The following UGGT1 variants were observed in gnomAD, a reference collection of about 807,000 sequenced individuals.
The protein encoded by UGGT1 is UDP-glucose:glycoprotein glucosyltransferase 1.
UGGT1 carries 107 observed loss-of-function variants against 203.9 expected under a neutral mutation model. That is an observed-to-expected ratio of 0.52 (90% CI 0.45 to 0.62). The LOEUF (loss-of-function observed/expected upper bound fraction) is 0.62. UGGT1 is among the 20% of genes least tolerant of loss of function. The probability of loss-of-function intolerance (pLI) is 0.00; values close to 1 mark genes in which losing one functional copy is unlikely to be tolerated. For missense variants in UGGT1, 1,673 were observed against 1,867.2 expected (o/e 0.90, Z 1.92); for synonymous variants, 628 against 653.5 (o/e 0.96, Z 0.59).
At chr2:128,098,003 G>A (rs1360252847) in intron 2 of UGGT1, among the ~76,000 whole-genome samples, 5 of 151,960 alleles carry the variant, frequency 3.3e-5, no homozygotes, top group Non-Finnish European at 5.9e-5. Flanking sequence ...CTGGGATCAC[G>A]GAAGTGCCCC....
At chr2:128,182,954 T>C (rs1216833440) in intron 37 of UGGT1, among the ~76,000 whole-genome samples, 3 of 147,912 alleles carry the variant, frequency 2.0e-5, no homozygotes, top group Non-Finnish European at 3.0e-5. Flanking sequence ...ATCTTCTCAG[T>C]GAATAGAGAG....
intron 18 of UGGT1, 137 bp from the exon 19 acceptor site, chr2:128,152,647 A>G (rs567247726): frequency 3.6e-4 from 435 of 1,208,876 alleles, no homozygotes; most frequent in Middle Eastern, 1.5e-3. Flanking sequence ...GACCAATAAC[A>G]TAGTAACTTC....
intron 3 of UGGT1, among the ~76,000 whole-genome samples, chr2:128,106,343 A>C (rs778617378): frequency 2.2e-4 from 33 of 152,160 alleles, no homozygotes; most frequent in Non-Finnish European, 4.3e-4. Flanking sequence ...AGGAGTATGA[A>C]TTCTATGAAC....
chr2:128,189,581 C>T, intron 40 of UGGT1, 136 bp from the exon 41 acceptor site: 3 of 911,608 alleles, frequency 3.3e-6, no homozygotes, highest in Non-Finnish European at 5.0e-6. Flanking sequence ...AGCACAAATC[C>T]CAAAGATTTA....
At chr2:128,148,780 C>T (rs1261017617) in intron 18 of UGGT1, among the ~76,000 whole-genome samples, 1 of 151,886 alleles carries the variant, frequency 6.6e-6, no homozygotes, top group Non-Finnish European at 1.5e-5. Flanking sequence ...GTTTTTTGAC[C>T]AGCTTTGTGT....
chr2:128,120,308 C>G (rs1002900227), intron 8 of UGGT1, 48 bp from the exon 9 acceptor site: 1 of 1,565,744 alleles, frequency 6.4e-7, no homozygotes, highest in East Asian at 2.3e-5. Context: ...TCTTATGCTC[C>G]GGGAAAGAAA....
chr2:128,091,430 C>A lies in UGGT1; in HGVS notation c.58+15C>A. The A allele has an allele frequency of 1.3e-6, 2 of 1,575,188 alleles. No homozygotes were observed. The highest frequency in any genetic ancestry group is 2.7e-5 in the African/African-American group (2 of 74,188). On this transcript the variant is annotated intron_variant, in intron 1 of 40. Transcript: ENST00000259253. ...GCCGGTGACAGGTACCCAGGGGTGG[C>A]GTGAGGAGGCCTCGTGGACAAAGAG...
chr2:128,129,464 T>C (rs1279064720), intron 13 of UGGT1, among the ~76,000 whole-genome samples: 2 of 151,150 alleles, frequency 1.3e-5, no homozygotes, highest in Non-Finnish European at 2.9e-5. Context: ...AGTGGCGCGA[T>C]CTTGGCTTAC....
chr2:128,151,269 G>A (rs1025199101), intron 18 of UGGT1: 19 of 591,092 alleles, frequency 3.2e-5, no homozygotes, highest in African/African-American at 1.8e-4. Context: ...TACCTTCCTC[G>A]TCCATCTCCT....
chr2:128,183,909 GGTGT>G (rs558911313), intron 38 of UGGT1, 120 bp downstream of exon 38: 268 of 339,612 alleles, frequency 7.9e-4, no homozygotes, highest in Middle Eastern at 2.4e-3. Context: ...GTTTTTTCAT[GGTGT>G]GTGTGTGTGT....
chr2:128,158,161 C>A (rs563075801), intron 22 of UGGT1, among the ~76,000 whole-genome samples: 1 of 152,232 alleles, frequency 6.6e-6, no homozygotes, highest in South Asian at 2.1e-4. Flanking sequence ...AACACAAATG[C>A]GTAAATCTTC....
intron 24 of UGGT1, 148 bp from the exon 25 acceptor site, chr2:128,160,990 A>T: frequency 2.3e-6 from 2 of 880,770 alleles, no homozygotes; most frequent in Non-Finnish European, 3.4e-6. Flanking sequence ...GTATTATTTC[A>T]CTGATTTTAT....
At chr2:128,097,335 A>G in intron 1 of UGGT1, 94 bp from the exon 2 acceptor site, 2 of 1,420,258 alleles carry the variant, frequency 1.4e-6, no homozygotes, top group Non-Finnish European at 1.9e-6. Flanking sequence ...AGATTGCACC[A>G]CTGCACTCCA....
intron 10 of UGGT1, among the ~76,000 whole-genome samples, chr2:128,122,558 T>G (rs1688432724): frequency 6.6e-6 from 1 of 151,988 alleles, no homozygotes; most frequent in African/African-American, 2.4e-5. Context: ...AGATTTTGTT[T>G]GTACGTTTTC....
chr2:128,159,369 G>T, intron 22 of UGGT1, 145 bp from the exon 23 acceptor site: 1 of 726,952 alleles, frequency 1.4e-6, no homozygotes, highest in Non-Finnish European at 2.3e-6. Context: ...AAAGTGCTGG[G>T]ATTACAGGCA....
At chr2:128,106,295 A>AT (rs546125877) in intron 3 of UGGT1, among the ~76,000 whole-genome samples, 2 of 152,078 alleles carry the variant, frequency 1.3e-5, no homozygotes, top group Non-Finnish European at 2.9e-5. Context: ...TTAAAATAAC[A>AT]TTTTTTCAGT....
intron 15 of UGGT1, among the ~76,000 whole-genome samples, chr2:128,138,124 A>G (rs995475533): frequency 3.3e-5 from 5 of 152,218 alleles, no homozygotes; most frequent in Non-Finnish European, 5.9e-5. Flanking sequence ...AACTATAGCA[A>G]CGCTCTTCAT....
intron 1 of UGGT1, among the ~76,000 whole-genome samples, chr2:128,096,697 C>CG (rs1188453912): frequency 6.6e-6 from 1 of 152,150 alleles, no homozygotes; most frequent in Admixed American, 6.5e-5. Context: ...TACGAGGTAC[C>CG]GGGGGATAGG....
chr2:128,116,294 GA>G lies in UGGT1; in HGVS notation c.827del (p.Asn276MetfsTer15). ...TGAGGTAAACACCACAGTGATTGGTGAAAATGATCCTATTGATGAGGTTCAG... is the reference window on the plus strand; with the variant it reads ...TGAGGTAAACACCACAGTGATTGGTGAAATGATCCTATTGATGAGGTTCAG... ...GTEVNTTVIG[E>X]NDPIDEVQGF... On this transcript the variant is annotated frameshift_variant, in exon 8 of 41. Transcript: ENST00000259253. LOFTEE classifies it high-confidence loss of function. The G allele has an allele frequency of 6.2e-7, 1 of 1,610,900 alleles. No individual in the cohort carries two copies. The highest frequency in any genetic ancestry group is 8.5e-7 in the Non-Finnish European group (1 of 1,177,210).
Sources: gnomAD v4.1 joint callset for allele counts (sites outside exome capture counted in the v4.1 genomes callset) on GRCh38, gnomAD v4.1.1 for gene constraint, MANE v1.5 for transcripts, NCBI Gene and HGNC (gene_info 2026-07-23, HGNC 2026-07-21) for gene names.